The following PPP4R3A variants were observed in gnomAD, a reference collection of about 807,000 sequenced individuals.
PPP4R3A encodes the protein serine/threonine-protein phosphatase 4 regulatory subunit 3A.
In PPP4R3A, 15 loss-of-function variants were observed where a neutral mutation model predicts 91.7. That is an observed-to-expected ratio of 0.16 (90% CI 0.11 to 0.25). The LOEUF is 0.25. Ranked by LOEUF, PPP4R3A falls within the 10% of genes least tolerant of loss-of-function variation. The pLI, the probability that PPP4R3A is intolerant of heterozygous loss-of-function variation, is 1.00. For synonymous variants in PPP4R3A, 377 were observed against 348.7 expected (o/e 1.08, Z -0.91); for missense variants, 623 against 998.4 (o/e 0.62, Z 5.07).
chr14:91,501,853 C>T (rs995691156), intron 1 of PPP4R3A, among the ~76,000 whole-genome samples: 7 of 150,832 alleles, frequency 4.6e-5, no homozygotes, highest in African/African-American at 7.3e-5. Flanking sequence ...TACATGCTCC[C>T]GCCACCAAGC....
At chr14:91,488,739 A>G (rs761038616) in intron 2 of PPP4R3A, among the ~76,000 whole-genome samples, 35 of 152,114 alleles carry the variant, frequency 2.3e-4, no homozygotes, top group Non-Finnish European at 4.3e-4. Flanking sequence ...GAATGAAAAT[A>G]CTAAGAAATT....
At chr14:91,461,750 A>G in intron 13 of PPP4R3A, 143 bp from the exon 14 acceptor site, 1 of 920,056 alleles carries the variant, frequency 1.1e-6, no homozygotes, top group Non-Finnish European at 1.6e-6. Flanking sequence ...AAGCTTACCA[A>G]AATACTAACC....
chr14:91,475,506 A>G lies in PPP4R3A; in HGVS notation c.1266+305T>C, dbSNP rs1385200917. 5 of 246,608 alleles carry G rather than the reference A, an allele frequency of 2.0e-5. 1 individual carries two copies. The South Asian group carries it at 2.2e-4, about 11-fold the overall frequency. The allele number at this position is 246,608 out of a possible 1,614,324, so 15.3% of individuals were successfully genotyped here. On this transcript the variant is annotated intron_variant, in intron 7 of 14. Transcript: ENST00000554943. Reference sequence around the variant, plus strand: ...GTAACTTACTCTTAATTCCCCAGATACAAGAATTGATTGACTAAATGATTT... The same window carrying G: ...GTAACTTACTCTTAATTCCCCAGATGCAAGAATTGATTGACTAAATGATTT...
At chr14:91,502,532 T>G (rs1022500818) in intron 1 of PPP4R3A, among the ~76,000 whole-genome samples, 1 of 152,350 alleles carries the variant, frequency 6.6e-6, no homozygotes, top group South Asian at 2.1e-4. Context: ...TACTACTGAC[T>G]GATCTGTTCA....
Position 91,462,876 on chromosome 14 carries a change from T to G in PPP4R3A, c.1832A>C (p.Glu611Ala). 6.3e-7 allele frequency: 1 copy of G among 1,589,562 alleles called. No homozygotes were observed. Among genetic ancestry groups the G allele is most frequent in the Non-Finnish European group, 8.6e-7 (1 of 1,163,304 alleles). The change falls in exon 12 of 15, where the codon GAA becomes GCA. Residue 611 changes from glutamate to alanine, a missense_variant and splice_region_variant. Transcript: ENST00000554943. ...ATGAGCAGTTAATGATTTTATATCTTCCTACAGAAAAGAATAGTAATGAAA... is the reference window on the plus strand; with the variant it reads ...ATGAGCAGTTAATGATTTTATATCTGCCTACAGAAAAGAATAGTAATGAAA... ...IIEMFEFIRV[E>A]DIKSLTAHVI...
chr14:91,489,586 A>G (rs1241737116), intron 2 of PPP4R3A, among the ~76,000 whole-genome samples: 2 of 152,222 alleles, frequency 1.3e-5, no homozygotes, highest in Non-Finnish European at 2.9e-5. Context: ...GCTGAGACAC[A>G]TGAATCTGTT....
At chr14:91,459,834 A>C (rs1467478224) in intron 14 of PPP4R3A, among the ~76,000 whole-genome samples, 1 of 37,646 alleles carries the variant, frequency 2.7e-5, no homozygotes, top group African/African-American at 9.0e-5. Flanking sequence ...GACTCTGTCA[A>C]AAAAAAAAAA....
At chr14:91,506,169 G>A (rs1012577498) in intron 1 of PPP4R3A, among the ~76,000 whole-genome samples, 3 of 152,122 alleles carry the variant, frequency 2.0e-5, no homozygotes, top group African/African-American at 4.8e-5. Context: ...GGATGGTCTC[G>A]ATCTCCTGAC....
intron 4 of PPP4R3A, among the ~76,000 whole-genome samples, chr14:91,477,765 C>G (rs1377469064): frequency 6.6e-6 from 1 of 152,208 alleles, no homozygotes; most frequent in Non-Finnish European, 1.5e-5. Context: ...TCTCCTGTCT[C>G]AGTCTCCTTA....
At chr14:91,461,234 T>C (rs779955087) in intron 14 of PPP4R3A, 147 bp downstream of exon 14, 140 of 695,128 alleles carry the variant, frequency 2.0e-4, no homozygotes, top group Non-Finnish European at 3.0e-4. Context: ...TTTATATAAG[T>C]TCAAGCGGTG....
intron 4 of PPP4R3A, 120 bp from the exon 5 acceptor site, chr14:91,477,106 C>T: frequency 1.9e-6 from 1 of 524,832 alleles, no homozygotes; most frequent in Non-Finnish European, 2.8e-6. Context: ...ATTGGCAATG[C>T]TGTCTTTTTT....
chr14:91,486,557 ATACT>A (rs2140124463), intron 2 of PPP4R3A, among the ~76,000 whole-genome samples: 1 of 152,310 alleles, frequency 6.6e-6, no homozygotes, highest in South Asian at 2.1e-4. Flanking sequence ...TGCACATACA[ATACT>A]TACTGAGACC....
chr14:91,495,329 T>TGTGTGTGTGTGTGTGTGTGTGTGTG (rs1409046314), intron 1 of PPP4R3A, among the ~76,000 whole-genome samples: 2 of 151,190 alleles, frequency 1.3e-5, no homozygotes, highest in Admixed American at 6.6e-5. Context: ...TGTGTGTATG[T>TGTGTGTGTGTGTGTGTGTGTGTGTG]TTTTTTTTAG....
chr14:91,462,662 A>T, intron 12 of PPP4R3A, 73 bp downstream of exon 12: 7 of 1,540,104 alleles, frequency 4.5e-6, no homozygotes, highest in Non-Finnish European at 6.2e-6. Context: ...GCCAAATAAT[A>T]TCAAATAAAC....
chr14:91,476,010 C>T lies in PPP4R3A; in HGVS notation c.1111-44G>A, dbSNP rs575965762. ...TATTTTTCCTGTATTTATAAAAATA[C>T]GGAACCTATAGCTATGTAAATATCC... On this transcript the variant is annotated intron_variant, in intron 6 of 14. Transcript: ENST00000554943. The T allele has an allele frequency of 5.5e-5, 82 of 1,490,536 alleles. 1 individual carries two copies. Among genetic ancestry groups the T allele is most frequent in the Non-Finnish European group, 4.6e-5 (52 of 1,124,142 alleles). The allele number at this position is 1,490,536 out of a possible 1,614,324, so 92.3% of individuals were successfully genotyped here.
chr14:91,507,394 T>TATAATTATATATACTA (rs1566660222), intron 1 of PPP4R3A, among the ~76,000 whole-genome samples: 1 of 59,668 alleles, frequency 1.7e-5, no homozygotes, highest in African/African-American at 5.3e-5. Context: ...ATATAGTATA[T>TATAATTATATATACTA]GTACTATAAT....
At chr14:91,483,602 CTT>C (rs1209278152) in intron 3 of PPP4R3A, among the ~76,000 whole-genome samples, 2 of 152,164 alleles carry the variant, frequency 1.3e-5, no homozygotes, top group African/African-American at 4.8e-5. Context: ...AGAATGCCAT[CTT>C]TTTGAGTTGA....
chr14:91,509,756 C>G lies in PPP4R3A; in HGVS notation c.-109G>C, dbSNP rs1024851657. The G allele has an allele frequency of 6.4e-5, 84 of 1,318,786 alleles. No individual in the cohort carries two copies. Among genetic ancestry groups the G allele is most frequent in the African/African-American group, 1.6e-4 (10 of 64,104 alleles). The allele number at this position is 1,318,786 out of a possible 1,614,324, so 81.7% of individuals were successfully genotyped here. A position where few individuals can be genotyped will look rare whatever the true frequency, so the allele number is the denominator to read the frequency against. On this transcript the variant is annotated 5_prime_UTR_variant, in exon 1 of 15. Coordinates refer to ENST00000554943, the MANE Select transcript of PPP4R3A (RefSeq NM_001366432.2). ...GGGCGCCCGCGAGCGGAGGGCTCCC[C>G]GGCCTCACTGCCGCCGCTGGGCGCC...
At chr14:91,477,828 T>C (rs967881340) in intron 4 of PPP4R3A, among the ~76,000 whole-genome samples, 1 of 152,238 alleles carries the variant, frequency 6.6e-6, no homozygotes, top group African/African-American at 2.4e-5. Context: ...TTTGTACTTG[T>C]AGCAGAGATG....
Sources: gnomAD v4.1 joint callset for allele counts (sites outside exome capture counted in the v4.1 genomes callset) on GRCh38, gnomAD v4.1.1 for gene constraint, MANE v1.5 for transcripts, NCBI Gene and HGNC (gene_info 2026-07-23, HGNC 2026-07-21) for gene names.